The following DDX24 variants were observed in gnomAD, a reference collection of about 807,000 sequenced individuals.
The protein encoded by DDX24 is ATP-dependent RNA helicase DDX24.
Under a neutral mutation model 68.9 loss-of-function variants are expected in DDX24, and 24 were observed. The ratio of observed to expected loss-of-function variants is 0.35; its 90% CI spans 0.25 to 0.49. The LOEUF (loss-of-function observed/expected upper bound fraction) is 0.49. Ranked by LOEUF, DDX24 falls within the 20% of genes least tolerant of loss-of-function variation. The pLI, the probability that DDX24 is intolerant of heterozygous loss-of-function variation, is 0.99. For synonymous variants in DDX24, 395 were observed against 385.2 expected, an observed-to-expected ratio of 1.03 and a Z score of -0.30; for missense variants, 989 against 1,039.0, an observed-to-expected ratio of 0.95 and a Z score of 0.66.
chr14:94,057,836 C>T lies in DDX24; in HGVS notation c.1975G>A (p.Val659Ile), dbSNP rs1339611495. The T allele has an allele frequency of 1.2e-6, 2 of 1,613,642 alleles. No individual in the cohort carries two copies. Among genetic ancestry groups the T allele is most frequent in the Non-Finnish European group, 1.7e-6 (2 of 1,179,852 alleles). ...RGLDIPKVQH[V>I]IHYQVPRTSE... ...GATGCCCCTACCTGGTAATGGATGA[C>T]ATGCTGGACTTTAGGAATATCCAGA... Residue 659 changes from valine (V) to isoleucine (I), a missense_variant, in exon 6 of 9, where the codon GTC becomes ATC. By Grantham distance (29) the Val-to-Ile change is conservative (BLOSUM62 3). This residue lies in a region of DDX24 where 691 missense variants were observed against 760.0 expected (regional missense o/e 0.91). Transcript: ENST00000621632.
chr14:94,060,080 G>C lies in DDX24; in HGVS notation c.1913+18C>G. The C allele has an allele frequency of 6.3e-7, 1 of 1,596,204 alleles. No homozygotes were observed. The highest frequency in any genetic ancestry group is 1.1e-5 in the South Asian group (1 of 89,442). On this transcript the variant is annotated intron_variant, in intron 5 of 8. Transcript: ENST00000621632. Reference sequence around the variant, plus strand: ...TAACTAACTAGAGGTTAAGCCTCTGGGGACAGTCCTAACTTACTCTTCCAG... The same window carrying C: ...TAACTAACTAGAGGTTAAGCCTCTGCGGACAGTCCTAACTTACTCTTCCAG...
intron 2 of DDX24, among the ~76,000 whole-genome samples, chr14:94,078,678 C>A (rs1885995067): frequency 6.6e-6 from 1 of 152,204 alleles, no homozygotes; most frequent in African/African-American, 2.4e-5. Flanking sequence ...TTAGAAAAGG[C>A]TCAAGAACAG....
chr14:94,053,232 T>G, intron 7 of DDX24, 105 bp from the exon 8 acceptor site: 1 of 1,491,150 alleles, frequency 6.7e-7, no homozygotes, highest in South Asian at 1.2e-5. Flanking sequence ...GGTATCACTC[T>G]GCTGCCCAGG....
intron 2 of DDX24, among the ~76,000 whole-genome samples, chr14:94,073,164 C>T (rs1481323664): frequency 6.6e-6 from 1 of 150,406 alleles, no homozygotes; most frequent in Non-Finnish European, 1.5e-5. Flanking sequence ...CAGCTCACTG[C>T]AACCTCCGCC....
chr14:94,074,420 T>C (rs1175964512), intron 2 of DDX24, among the ~76,000 whole-genome samples: 1 of 152,204 alleles, frequency 6.6e-6, no homozygotes, highest in Non-Finnish European at 1.5e-5. Context: ...AATTTCATAA[T>C]TGAAAATCAA....
chr14:94,048,661 T>G lies in DDX24; in HGVS notation c.*2530A>C, dbSNP rs1045869. ...GGGATATTCCCCAACCTGTCCTTCC[T>G]GACAGGAAGCATAGGGCACTGCAGA... On this transcript the variant is annotated 3_prime_UTR_variant, in exon 9 of 9. Transcript: ENST00000621632. 2.0e-5 allele frequency: 3 copies of G among 152,088 alleles called. No homozygotes were observed. Among genetic ancestry groups the G allele is most frequent in the Non-Finnish European group, 4.4e-5 (3 of 68,022 alleles). The allele number at this position is 152,088 out of a possible 1,614,324, so 9.4% of individuals were successfully genotyped here.
In DDX24 at chr14:94,061,346, C is replaced by T. The variant is rs185984160; in HGVS notation, c.1244-280G>A. On this transcript the variant is annotated intron_variant, in intron 3 of 8. Transcript: ENST00000621632. ...CTGAATTTGAACCCAGGTATGCTTA[C>T]CTCCAAAGCTCTGGGAAAACGGAGC... Among the ~76,000 whole-genome samples the T allele has an allele frequency of 8.9e-4, 135 of 152,274 alleles. 9 individuals are homozygous for T. Among genetic ancestry groups the T allele is most frequent in the Admixed American group, 8.5e-4 (13 of 15,296 alleles).
At chr14:94,075,580 A>C (rs544609972) in intron 2 of DDX24, among the ~76,000 whole-genome samples, 50 of 152,350 alleles carry the variant, frequency 3.3e-4, no homozygotes, top group East Asian at 1.5e-3. Flanking sequence ...AATCTTTGTG[A>C]TCTTGAATTA....
At chr14:94,061,177 G>A in intron 3 of DDX24, 111 bp from the exon 4 acceptor site, 3 of 1,282,804 alleles carry the variant, frequency 2.3e-6, no homozygotes, top group Non-Finnish European at 3.3e-6. Context: ...ACAGTGTAAT[G>A]CCCTAGAGCA....
intron 3 of DDX24, among the ~76,000 whole-genome samples, chr14:94,061,623 T>G (rs1185788466): frequency 5.3e-5 from 8 of 152,146 alleles, no homozygotes; most frequent in African/African-American, 9.7e-5. Context: ...CAGAGTGAAT[T>G]CCCTGAGAGA....
intron 2 of DDX24, among the ~76,000 whole-genome samples, chr14:94,073,899 C>T (rs113189670): frequency 0.036 from 5,478 of 151,646 alleles, 300 homozygotes; most frequent in African/African-American, 0.12. Context: ...AAAAATTAGC[C>T]GGGCATGGTG....
At position 94,062,265 on chromosome 14, in the gene DDX24, C is replaced by T. The variant is rs759101546; in HGVS notation, c.1075G>A (p.Glu359Lys). 1.2e-6 allele frequency: 2 copies of T among 1,614,150 alleles called. No individual in the cohort carries two copies. The highest frequency in any genetic ancestry group is 1.7e-5 in the Admixed American group (1 of 60,030). The part of the protein sequence containing the change: ...PVPKQNENEE[E>K]NLDKEQTGNL... ...CCAGTCTGCTCTTTATCAAGATTTT[C>T]CTCCTCATTCTCATTCTGTTTGGGA... The change falls in exon 3 of 9, where the codon GAA becomes AAA. Residue 359 changes from glutamate to lysine, a missense_variant. By Grantham distance (56) the Glu-to-Lys change is moderately conservative (BLOSUM62 1). Transcript: ENST00000621632.
At chr14:94,053,777 G>C (rs549256931) in intron 7 of DDX24, among the ~76,000 whole-genome samples, 4 of 152,216 alleles carry the variant, frequency 2.6e-5, no homozygotes, top group African/African-American at 9.6e-5. Flanking sequence ...TTGTGCCACT[G>C]CACTCCAGTC....
At chr14:94,079,918 C>G (rs574905210) in intron 1 of DDX24, among the ~76,000 whole-genome samples, 171 bp from the exon 2 acceptor site, 8 of 152,130 alleles carry the variant, frequency 5.3e-5, no homozygotes, top group Non-Finnish European at 1.0e-4. Flanking sequence ...GAACAGACAG[C>G]TTTGCCTGGA....
At chr14:94,056,459 G>C (rs1209973157) in intron 6 of DDX24, 1 of 152,202 alleles carries the variant, frequency 6.6e-6, no homozygotes, top group Non-Finnish European at 1.5e-5. Context: ...GAGAACTTTT[G>C]AATAAGCTGA....
intron 2 of DDX24, among the ~76,000 whole-genome samples, chr14:94,070,436 A>G (rs375254063): frequency 6.6e-6 from 1 of 152,332 alleles, no homozygotes; most frequent in African/African-American, 2.4e-5. Context: ...GACTGTTGCC[A>G]AAAGCAATCT....
intron 2 of DDX24, among the ~76,000 whole-genome samples, chr14:94,064,205 T>C (rs1885652521): frequency 6.6e-6 from 1 of 152,208 alleles, no homozygotes. Context: ...GATAAAATGG[T>C]ATCTATGCAT....
intron 5 of DDX24, among the ~76,000 whole-genome samples, chr14:94,058,735 C>T (rs187528997): frequency 3.4e-4 from 52 of 152,238 alleles, no homozygotes; most frequent in Non-Finnish European, 6.5e-4. Flanking sequence ...GAGCTGAGGC[C>T]GGGAAATGCA....
intron 2 of DDX24, among the ~76,000 whole-genome samples, chr14:94,076,928 T>C (rs1885952861): frequency 6.6e-6 from 1 of 152,186 alleles, no homozygotes; most frequent in Admixed American, 6.5e-5. Flanking sequence ...GACCAACCCC[T>C]CCTCTTTCTA....
Sources: gnomAD v4.1 joint callset for allele counts (sites outside exome capture counted in the v4.1 genomes callset) on GRCh38, gnomAD v4.1.1 for gene constraint, gnomAD v4.1.1 regional missense constraint, MANE v1.5 for transcripts, NCBI Gene and HGNC (gene_info 2026-07-23, HGNC 2026-07-21) for gene names.